Variants in CEP164 observed in about 807,000 individuals in gnomAD.
CEP164 encodes centrosomal protein of 164 kDa.
Under a neutral mutation model 182.7 loss-of-function variants are expected in CEP164, and 162 were observed. The ratio of observed to expected loss-of-function variants is 0.89; its 90% CI spans 0.78 to 1.01. The LOEUF is 1.01. Among genes scored for constraint, CEP164 ranks in the 50% least tolerant of loss-of-function variants. The probability of loss-of-function intolerance (pLI) is 0.00; values close to 1 mark genes in which losing one functional copy is unlikely to be tolerated. For missense variants in CEP164, 1,735 were observed against 1,790.4 expected (o/e 0.97, Z 0.56); for synonymous variants, 661 against 690.0 (o/e 0.96, Z 0.66).
chr11:117,338,107 T>C (rs1424430698), intron 2 of CEP164, among the ~76,000 whole-genome samples: 1 of 152,160 alleles, frequency 6.6e-6, no homozygotes, highest in African/African-American at 2.4e-5. Flanking sequence ...GCCACTGGAT[T>C]GTAAGCTTCC....
In CEP164 at chr11:117,394,557, G is replaced by C; in HGVS notation, c.2760+64G>C. ...TCCATGCACAGTAGGAAGGTGCTGG[G>C]AGCAGACGCATGGCCCCAGCAGGAT... On this transcript the variant is annotated intron_variant, in intron 21 of 32. Transcript: ENST00000278935. The surrounding 1 kb of genome is among the most constrained non-coding windows in gnomAD (Gnocchi z 4.0). 2 of 1,580,770 alleles carry C rather than the reference G, an allele frequency of 1.3e-6. No homozygotes were observed. The highest frequency in any genetic ancestry group is 1.7e-6 in the Non-Finnish European group (2 of 1,161,930).
At chr11:117,378,088 C>T (rs184045718) in intron 11 of CEP164, among the ~76,000 whole-genome samples, 8 of 151,974 alleles carry the variant, frequency 5.3e-5, no homozygotes, top group East Asian at 1.9e-4. Flanking sequence ...AGGCTGGTCT[C>T]GAACTCTTGA....
intron 27 of CEP164, among the ~76,000 whole-genome samples, chr11:117,405,681 T>G (rs1693943777): frequency 6.6e-6 from 1 of 152,234 alleles, no homozygotes; most frequent in Non-Finnish European, 1.5e-5. Flanking sequence ...ATTCTGTTTC[T>G]CTTTTAAAAT....
chr11:117,391,981 GT>G (rs1157387131), intron 17 of CEP164, among the ~76,000 whole-genome samples: 1 of 152,182 alleles, frequency 6.6e-6, no homozygotes, highest in African/African-American at 2.4e-5. Flanking sequence ...AAGGCAGGGG[GT>G]GGGAGCAGAG....
intron 1 of CEP164, among the ~76,000 whole-genome samples, chr11:117,333,395 G>A (rs1003800168): frequency 6.6e-6 from 1 of 152,136 alleles, no homozygotes; most frequent in Non-Finnish European, 1.5e-5. Flanking sequence ...CTAGCTCATG[G>A]TTTTCTACCT....
intron 2 of CEP164, among the ~76,000 whole-genome samples, chr11:117,337,068 G>T (rs1021487409): frequency 6.6e-6 from 1 of 152,108 alleles, no homozygotes; most frequent in Non-Finnish European, 1.5e-5. Flanking sequence ...AGAAACCTTG[G>T]ATTCAAGCTG....
At chr11:117,382,749 T>C in intron 13 of CEP164, 47 bp from the exon 14 acceptor site, 2 of 1,599,930 alleles carry the variant, frequency 1.3e-6, no homozygotes, top group Non-Finnish European at 1.7e-6. Context: ...TTAAGCCTCT[T>C]GCTTTCTTAC....
intron 4 of CEP164, among the ~76,000 whole-genome samples, chr11:117,344,787 G>C (rs1473256303): frequency 6.6e-6 from 1 of 152,102 alleles, no homozygotes; most frequent in Non-Finnish European, 1.5e-5. Context: ...AATTAGCTGG[G>C]TGTGGTAGTG....
At chr11:117,404,747 G>A (rs541306182) in intron 27 of CEP164, among the ~76,000 whole-genome samples, 76 of 152,286 alleles carry the variant, frequency 5.0e-4, no homozygotes, top group African/African-American at 1.4e-3. Context: ...CTGAAGGTGC[G>A]CCCACAGCTG....
At chr11:117,356,239 G>T in intron 5 of CEP164, 1 of 1,099,812 alleles carries the variant, frequency 9.1e-7, no homozygotes. Flanking sequence ...CTGAGGACCA[G>T]AGGTTCTACC....
intron 20 of CEP164, 40 bp downstream of exon 20, chr11:117,393,166 C>A (rs545733558): frequency 1.3e-6 from 2 of 1,599,164 alleles, no homozygotes; most frequent in South Asian, 2.2e-5. Flanking sequence ...CACACACATG[C>A]ACACACACAT....
intron 2 of CEP164, among the ~76,000 whole-genome samples, chr11:117,338,090 C>T (rs189853672): frequency 2.6e-5 from 4 of 152,080 alleles, no homozygotes; most frequent in Admixed American, 2.0e-4. Context: ...CTCTTGAGGT[C>T]GTTCCCGCCA....
intron 5 of CEP164, among the ~76,000 whole-genome samples, chr11:117,360,893 A>C (rs1592152056): frequency 6.6e-6 from 1 of 150,398 alleles, no homozygotes; most frequent in Non-Finnish European, 1.5e-5. Flanking sequence ...CTGGTAGATG[A>C]GGATTTGTCT....
chr11:117,355,391 G>A (rs1265437521), intron 5 of CEP164: 1 of 1,289,744 alleles, frequency 7.8e-7, no homozygotes, highest in African/African-American at 1.5e-5. Flanking sequence ...TATGCAGGAT[G>A]TGGTAGAAAG....
chr11:117,391,926 T>C (rs2044707698), intron 17 of CEP164, among the ~76,000 whole-genome samples: 1 of 152,206 alleles, frequency 6.6e-6, no homozygotes, highest in South Asian at 2.1e-4. Flanking sequence ...GCTTGGATCT[T>C]ATTTACCAGC....
At chr11:117,334,616 T>A (rs1188521026) in intron 1 of CEP164, among the ~76,000 whole-genome samples, 1 of 151,984 alleles carries the variant, frequency 6.6e-6, no homozygotes, top group Non-Finnish European at 1.5e-5. Flanking sequence ...TGAAATCTAA[T>A]CTCTACTAAA....
intron 5 of CEP164, among the ~76,000 whole-genome samples, chr11:117,361,602 T>C (rs1462304760): frequency 6.6e-6 from 1 of 152,010 alleles, no homozygotes; most frequent in Non-Finnish European, 1.5e-5. Flanking sequence ...GTAAAAGAAC[T>C]GTTTACTGTG....
chr11:117,362,592 C>T (rs2041124081), intron 7 of CEP164, 54 bp downstream of exon 7: 1 of 1,553,236 alleles, frequency 6.4e-7, no homozygotes, highest in African/African-American at 1.4e-5. Context: ...ATATTTTTTC[C>T]TTTTGAAAAT....
chr11:117,347,697 C>T lies in CEP164; in HGVS notation c.194+3420C>T, dbSNP rs549202905. On this transcript the variant is annotated intron_variant, in intron 4 of 32. Transcript: ENST00000278935. ...TGCACTCCAGCCTGGGCAGCAAGAG[C>T]GAAACTCCATCTCAAAAAAAAAAAA... 7.5e-5 allele frequency among the ~76,000 whole-genome samples: 11 copies of T among 145,736 alleles called. No individual in the cohort carries two copies. The South Asian group carries it at 1.9e-3, about 26-fold the overall frequency.
Sources: gnomAD v4.1 joint callset for allele counts (sites outside exome capture counted in the v4.1 genomes callset) on GRCh38, gnomAD v4.1.1 for gene constraint, Gnocchi (gnomAD v3.1) non-coding constraint, MANE v1.5 for transcripts, NCBI Gene and HGNC (gene_info 2026-07-23, HGNC 2026-07-21) for gene names.